HDGFL3: variants seen among roughly 807,000 people sequenced by gnomAD.
HDGFL3 encodes the protein HDGF like 3.
A neutral mutation model predicts 27.6 loss-of-function variants in HDGFL3; 6 were observed. The observed-to-expected ratio is 0.22, with a 90% CI of 0.12 to 0.43. The LOEUF is 0.43. Among genes scored for constraint, HDGFL3 ranks in the 20% least tolerant of loss-of-function variants. The pLI is 1.00. For missense variants in HDGFL3, 207 were observed against 250.1 expected (o/e 0.83, Z 1.16); for synonymous variants, 88 against 88.9 (o/e 0.99, Z 0.05).
chr15:83,191,385 T>G (rs1489910472), intron 1 of HDGFL3, among the ~76,000 whole-genome samples: 1 of 152,150 alleles, frequency 6.6e-6, no homozygotes, highest in Admixed American at 6.5e-5. Flanking sequence ...TACAAAACAA[T>G]TTTAAAACAT....
intron 1 of HDGFL3, among the ~76,000 whole-genome samples, chr15:83,170,292 G>T (rs1302785502): frequency 1.3e-5 from 2 of 152,046 alleles, no homozygotes; most frequent in African/African-American, 4.8e-5. Flanking sequence ...CAAAGCCACG[G>T]GCATCACATT....
chr15:83,140,298 T>G (rs2036742120), intron 5 of HDGFL3, among the ~76,000 whole-genome samples: 1 of 151,976 alleles, frequency 6.6e-6, no homozygotes, highest in Admixed American at 6.6e-5. Context: ...GAAGTAAATC[T>G]TTAAAAAAAA....
chr15:83,178,775 C>A (rs1306741749), intron 1 of HDGFL3, among the ~76,000 whole-genome samples: 1 of 152,112 alleles, frequency 6.6e-6, no homozygotes, highest in Non-Finnish European at 1.5e-5. Flanking sequence ...TCAATTAATT[C>A]ATTATTTATT....
intron 1 of HDGFL3, among the ~76,000 whole-genome samples, chr15:83,204,099 G>C (rs1017228200): frequency 3.3e-5 from 5 of 150,416 alleles, no homozygotes; most frequent in African/African-American, 4.9e-5. Flanking sequence ...GAGGAGGACA[G>C]GAATCTACCA....
chr15:83,189,888 CCT>C (rs2037491157), intron 1 of HDGFL3, among the ~76,000 whole-genome samples: 1 of 152,082 alleles, frequency 6.6e-6, no homozygotes, highest in Non-Finnish European at 1.5e-5. Flanking sequence ...GGCATAATAT[CCT>C]GTTATGTCAA....
rs777491797 is a variant in HDGFL3, at chr15:83,130,163, C to G, written c.*9107G>C. ...TTGGACCTGGTCAAGTCTCAGGAGA[C>G]AAATGGAAACAGCAGGAAAACCTAG... On this transcript the variant is annotated 3_prime_UTR_variant, in exon 6 of 6. Transcript: ENST00000299633. The G allele has an allele frequency of 2.6e-5, 4 of 152,330 alleles. No homozygotes were observed. The highest frequency in any genetic ancestry group is 9.6e-5 in the African/African-American group (4 of 41,528). The allele number at this position is 152,330 out of a possible 1,614,324, so 9.4% of individuals were successfully genotyped here.
At chr15:83,157,107 T>C (rs992159390) in intron 4 of HDGFL3, among the ~76,000 whole-genome samples, 1 of 152,188 alleles carries the variant, frequency 6.6e-6, no homozygotes, top group African/African-American at 2.4e-5. Flanking sequence ...CTCAATTCTT[T>C]AGAGCTCGTC....
Position 83,207,267 on chromosome 15 carries a change from G to C in HDGFL3, c.84+64C>G. The C allele has an allele frequency of 1.8e-6, 2 of 1,135,548 alleles. No individual in the cohort carries two copies. The highest frequency in any genetic ancestry group is 2.5e-5 in the South Asian group (1 of 39,538). 70.3% of individuals were successfully genotyped at this position (1,135,548 alleles called of 1,614,324 possible). ...GGCTGAGGCGATGGGGAAAGGGGGC[G>C]GGCGCGCCATCATGAAGGGGAAAAT... is the stretch of plus-strand genomic sequence containing the variant. On this transcript the variant is annotated intron_variant, in intron 1 of 5. Coordinates refer to ENST00000299633, the MANE Select transcript of HDGFL3 (RefSeq NM_016073.4). This position sits in a 1 kb window ranked among gnomAD's most constrained non-coding sequence, Gnocchi z 4.8.
intron 5 of HDGFL3, among the ~76,000 whole-genome samples, chr15:83,146,264 G>A (rs772281916): frequency 6.6e-5 from 10 of 152,072 alleles, no homozygotes; most frequent in Non-Finnish European, 1.2e-4. Context: ...GCAAAATTAT[G>A]TAGGCATTTT....
At chr15:83,142,484 T>C (rs1291669347) in intron 5 of HDGFL3, among the ~76,000 whole-genome samples, 2 of 152,068 alleles carry the variant, frequency 1.3e-5, no homozygotes, top group African/African-American at 2.4e-5. Context: ...TGAGAACTCA[T>C]GGACACAAAG....
rs1229524860 is a variant in HDGFL3, at chr15:83,139,040, T to A, written c.*230A>T. On this transcript the variant is annotated 3_prime_UTR_variant, in exon 6 of 6. Transcript: ENST00000299633. The stretch of plus-strand genomic sequence containing the variant: ...TAATCCTTAGTGGTTAAGGGCAACT[T>A]CATGCAACCAAATAACATGAAATTA... 9.2e-6 allele frequency: 3 copies of A among 327,460 alleles called. No homozygotes were observed. The highest frequency in any genetic ancestry group is 6.4e-5 in the African/African-American group (3 of 47,156). The allele number at this position is 327,460 out of a possible 1,614,324, so 20.3% of individuals were successfully genotyped here.
chr15:83,138,723 C>A lies in HDGFL3; in HGVS notation c.*547G>T, dbSNP rs910681310. ...AGCTGTCAACTAGCTATTTCTAATA[C>A]GGAATAGATATTTTACAATATGGTT... On this transcript the variant is annotated 3_prime_UTR_variant, in exon 6 of 6. Transcript: ENST00000299633. 6.6e-6 allele frequency: 1 copy of A among 152,212 alleles called. No homozygotes were observed. Among genetic ancestry groups the A allele is most frequent in the Non-Finnish European group, 1.5e-5 (1 of 67,960 alleles). 9.4% of individuals were successfully genotyped at this position (152,212 alleles called of 1,614,324 possible).
At position 83,112,954 on chromosome 15, in the gene HDGFL3, C is replaced by G. The variant is rs533605627; in HGVS notation, c.*2755G>C. On this transcript the variant is annotated 3_prime_UTR_variant, in exon 4 of 4. Coordinates refer to the HDGFL3 transcript ENST00000568294. ...TATCTGATTAATAACACAATACTTT[C>G]AGCCTCAGTCACATATTCCTCCTTG... 98 of 1,387,034 alleles carry G rather than the reference C, an allele frequency of 7.1e-5. No individual in the cohort carries two copies. In the African/African-American group the frequency reaches 1.0e-3, roughly 15 times the overall value. 85.9% of individuals were successfully genotyped at this position (1,387,034 alleles called of 1,614,324 possible).
At chr15:83,141,951 GCAAAT>G (rs2036780004) in intron 5 of HDGFL3, among the ~76,000 whole-genome samples, 1 of 152,110 alleles carries the variant, frequency 6.6e-6, no homozygotes, top group African/African-American at 2.4e-5. Context: ...TTAGAGAAAT[GCAAAT>G]CAAAACTGCA....
At chr15:83,169,416 A>G in intron 1 of HDGFL3, among the ~76,000 whole-genome samples, 1 of 48,908 alleles carries the variant, frequency 2.0e-5, no homozygotes, top group African/African-American at 1.4e-4. Context: ...CTCCGTCTCA[A>G]AAAAAAAAAA....
At chr15:83,155,158 A>C (rs8038486) in intron 4 of HDGFL3, among the ~76,000 whole-genome samples, 40,099 of 152,180 alleles carry the variant, frequency 0.26, 5,809 homozygotes, top group African/African-American at 0.39. Context: ...AGCCATTGTG[A>C]CCAGCCAAAA....
Position 83,167,826 on chromosome 15 carries a change from C to G in HDGFL3, c.85-3751G>C, listed in dbSNP as rs1381900147. On this transcript the variant is annotated intron_variant, in intron 1 of 5. Transcript: ENST00000299633. ...CTGGATTTAAACTCAACACTTGGACCTAATAGACAACCACAGAATATTCAT... is the reference window on the plus strand; with the variant it reads ...CTGGATTTAAACTCAACACTTGGACGTAATAGACAACCACAGAATATTCAT... 5.3e-5 allele frequency among the ~76,000 whole-genome samples: 8 copies of G among 152,262 alleles called. No individual in the cohort carries two copies. In the East Asian group the frequency reaches 1.5e-3, roughly 29 times the overall value.
intron 1 of HDGFL3, among the ~76,000 whole-genome samples, chr15:83,169,398 G>A (rs1272305176): frequency 9.7e-6 from 1 of 102,904 alleles, no homozygotes; most frequent in Non-Finnish European, 1.7e-5. Flanking sequence ...CTGGGCGACA[G>A]AGCGAGACTC....
At chr15:83,147,338 G>T (rs944161377) in intron 5 of HDGFL3, among the ~76,000 whole-genome samples, 1 of 152,096 alleles carries the variant, frequency 6.6e-6, no homozygotes, top group Non-Finnish European at 1.5e-5. Flanking sequence ...GGGACTACAG[G>T]TGTGAGCCAC....
Sources: gnomAD v4.1 joint callset for allele counts (sites outside exome capture counted in the v4.1 genomes callset) on GRCh38, gnomAD v4.1.1 for gene constraint, Gnocchi (gnomAD v3.1) non-coding constraint, MANE v1.5 for transcripts, NCBI Gene and HGNC (gene_info 2026-07-23, HGNC 2026-07-21) for gene names.